Variants in TFB1M observed in about 807,000 individuals in gnomAD.
TFB1M encodes transcription factor B1, mitochondrial.
In TFB1M, 27 loss-of-function variants were observed where a neutral mutation model predicts 31.1. The ratio of observed to expected loss-of-function variants is 0.87; its 90% CI spans 0.64 to 1.20. TFB1M has a LOEUF of 1.20. Ranked by LOEUF, TFB1M falls within the 50% of genes most tolerant of loss-of-function variation. TFB1M has a pLI of 0.00. For synonymous variants in TFB1M, 166 were observed against 151.8 expected, an observed-to-expected ratio of 1.09 and a Z score of -0.69; for missense variants, 394 against 418.7, an observed-to-expected ratio of 0.94 and a Z score of 0.51.
At position 155,275,756 on chromosome 6, in the gene TFB1M, C is replaced by T. The variant is rs1442975238; in HGVS notation, c.666+9402G>A. The T allele has an allele frequency of 1.9e-6, 3 of 1,613,988 alleles. 1 individual carries two copies. The highest frequency in any genetic ancestry group is 2.5e-6 in the Non-Finnish European group (3 of 1,180,002). On this transcript the variant is annotated intron_variant, in intron 5 of 6. Coordinates refer to ENST00000367166, the MANE Select transcript of TFB1M (RefSeq NM_016020.4). ...AGGACTCCAGCTCCTTGCTTTCATC[C>T]TGGCCTTATCTGGGGTCTCTGGAGT...
At chr6:155,243,532 A>G in the TFB1M span, among the ~76,000 whole-genome samples, 3 of 152,198 alleles carry the variant, frequency 2.0e-5, no homozygotes, top group Admixed American at 2.0e-4. Flanking sequence ...GTGAGCAATA[A>G]TCACTACTTT....
the TFB1M span, chr6:155,247,900 G>T: frequency 3.6e-6 from 5 of 1,401,620 alleles, no homozygotes; most frequent in Middle Eastern, 1.8e-4. Context: ...GGCATTAGGA[G>T]GACTATAGAA....
chr6:155,275,601 G>A, intron 5 of TFB1M: 1 of 1,011,138 alleles, frequency 9.9e-7, no homozygotes, highest in Non-Finnish European at 1.5e-6. Context: ...TCCTGGTTTT[G>A]CCTTTTTTCC....
chr6:155,268,569 C>A (rs1784766966), intron 5 of TFB1M, among the ~76,000 whole-genome samples: 1 of 152,208 alleles, frequency 6.6e-6, no homozygotes, highest in Non-Finnish European at 1.5e-5. Context: ...AGATTAACAT[C>A]ACTAAGCAAC....
At chr6:155,232,793 C>G in the TFB1M span, 1 of 152,208 alleles carries the variant, frequency 6.6e-6, no homozygotes, top group Admixed American at 6.5e-5. Context: ...GTGGCAGTCT[C>G]TTTCCTAGTA....
downstream of TFB1M, chr6:155,254,021 T>C (rs1783846083): frequency 3.7e-6 from 6 of 1,614,114 alleles, no homozygotes; most frequent in East Asian, 4.5e-5. Flanking sequence ...AAGTCAGAAA[T>C]AGAAGGACGG....
At chr6:155,261,556 T>C (rs1784391785) in intron 5 of TFB1M, among the ~76,000 whole-genome samples, 1 of 152,196 alleles carries the variant, frequency 6.6e-6, no homozygotes, top group Non-Finnish European at 1.5e-5. Context: ...TGTGAGACTT[T>C]ATGGACAAGA....
intron 5 of TFB1M, among the ~76,000 whole-genome samples, chr6:155,282,802 G>C (rs542610625): frequency 6.6e-6 from 1 of 150,806 alleles, no homozygotes; most frequent in Non-Finnish European, 1.5e-5. Flanking sequence ...ATCTCGCCTC[G>C]CTGCAAGCTC....
chr6:155,284,887 G>T (rs1352423006), intron 5 of TFB1M, among the ~76,000 whole-genome samples: 2 of 152,206 alleles, frequency 1.3e-5, no homozygotes, highest in Non-Finnish European at 2.9e-5. Flanking sequence ...TACTTTAAGA[G>T]TAACATCATG....
intron 5 of TFB1M, among the ~76,000 whole-genome samples, chr6:155,284,222 C>T (rs964335453): frequency 6.6e-6 from 1 of 152,202 alleles, no homozygotes; most frequent in Non-Finnish European, 1.5e-5. Context: ...ACAAGTAGAT[C>T]TAACACTATT....
At chr6:155,298,405 T>C (rs1777275762) in intron 3 of TFB1M, 72 bp downstream of exon 3, 2 of 798,864 alleles carry the variant, frequency 2.5e-6, no homozygotes, top group African/African-American at 1.7e-5. Flanking sequence ...GTAATAAATG[T>C]ATCATAAAAT....
chr6:155,239,705 G>A, the TFB1M span, among the ~76,000 whole-genome samples: 1 of 152,146 alleles, frequency 6.6e-6, no homozygotes, highest in Non-Finnish European at 1.5e-5. Context: ...TCCCATGACT[G>A]GGAGCGAGTA....
chr6:155,233,955 C>G, the TFB1M span, among the ~76,000 whole-genome samples: 1 of 149,606 alleles, frequency 6.7e-6, no homozygotes, highest in African/African-American at 2.5e-5. Context: ...AGAGTGAGAC[C>G]CTGTCTCAAA....
chr6:155,237,733 G>T, the TFB1M span, among the ~76,000 whole-genome samples: 1 of 152,184 alleles, frequency 6.6e-6, no homozygotes, highest in African/African-American at 2.4e-5. Context: ...GCTCTGTGTT[G>T]GCTCCTTTCA....
downstream of TFB1M, chr6:155,254,457 G>T (rs763875942): frequency 1.2e-6 from 2 of 1,614,048 alleles, no homozygotes; most frequent in Non-Finnish European, 1.7e-6. Flanking sequence ...AAGGTGATTC[G>T]TTCTATTCTG....
At chr6:155,237,118 G>A in the TFB1M span, among the ~76,000 whole-genome samples, 1 of 152,214 alleles carries the variant, frequency 6.6e-6, no homozygotes, top group African/African-American at 2.4e-5. Context: ...GATACAATGG[G>A]GGTACAGGCA....
the TFB1M span, among the ~76,000 whole-genome samples, chr6:155,246,749 A>G: frequency 0.48 from 72,794 of 151,788 alleles, 18,127 homozygotes; most frequent in African/African-American, 0.59. Flanking sequence ...GGCTTGCTCC[A>G]TTCCTCCTTT....
At chr6:155,239,340 G>A in the TFB1M span, among the ~76,000 whole-genome samples, 2 of 152,200 alleles carry the variant, frequency 1.3e-5, no homozygotes, top group Admixed American at 6.5e-5. Context: ...GAGGTGGGCC[G>A]AGTACCTCCT....
At chr6:155,276,322 T>C in intron 5 of TFB1M, 3 of 1,613,792 alleles carry the variant, frequency 1.9e-6, no homozygotes, top group Non-Finnish European at 2.5e-6. Context: ...CACAGCAGCC[T>C]ATCTCTAACA....
Sources: allele counts gnomAD v4.1 joint callset (sites outside exome capture counted in the v4.1 genomes callset), GRCh38; gene constraint gnomAD v4.1.1; transcripts MANE v1.5; gene names NCBI Gene and HGNC (gene_info 2026-07-23, HGNC 2026-07-21).